Variants in SORCS3 observed in about 807,000 individuals in gnomAD.
SORCS3 encodes sortilin related VPS10 domain containing receptor 3, also known as VPS10 domain-containing receptor SorCS3.
In SORCS3, 57 loss-of-function variants were observed where a neutral mutation model predicts 146.3. The ratio of observed to expected loss-of-function variants is 0.39; its 90% CI spans 0.31 to 0.49. The LOEUF (loss-of-function observed/expected upper bound fraction) is 0.49, where lower values mean the gene tolerates loss of function less well. SORCS3 is among the 20% of genes least tolerant of loss of function. The pLI, the probability that SORCS3 is intolerant of heterozygous loss-of-function variation, is 0.92. For missense variants in SORCS3, 1,341 were observed against 1,575.5 expected, an observed-to-expected ratio of 0.85 and a Z score of 2.52; for synonymous variants, 653 against 618.5, an observed-to-expected ratio of 1.06 and a Z score of -0.83.
chr10:105,180,491 G>A (rs1259666487), intron 14 of SORCS3, among the ~76,000 whole-genome samples: 1 of 152,166 alleles, frequency 6.6e-6, no homozygotes, highest in Non-Finnish European at 1.5e-5. Context: ...GAAAGAGGGT[G>A]GCTGGGTGTT....
intron 7 of SORCS3, among the ~76,000 whole-genome samples, chr10:105,135,300 G>A (rs969021888): frequency 1.3e-5 from 2 of 152,146 alleles, no homozygotes; most frequent in African/African-American, 4.8e-5. Flanking sequence ...TGGACAGACA[G>A]CCCCAACATT....
rs367612233 is a variant in SORCS3 at position 104,770,290 on chromosome 10, A to T, written c.628-72502A>T. On this transcript the variant is annotated intron_variant, in intron 1 of 26. Coordinates refer to ENST00000369701, the MANE Select transcript of SORCS3 (RefSeq NM_014978.3). ...AAAGGTTTTGGGAAACCTCATAGAG[A>T]TGGAATCTGTTTGCTTTTGATTATC... Among the ~76,000 whole-genome samples the T allele has an allele frequency of 9.2e-5, 14 of 152,240 alleles. No individual in the cohort carries two copies. In the East Asian group the frequency reaches 2.5e-3, roughly 27 times the overall value.
At chr10:105,008,534 G>A (rs1379275274) in intron 4 of SORCS3, among the ~76,000 whole-genome samples, 1 of 152,190 alleles carries the variant, frequency 6.6e-6, no homozygotes, top group African/African-American at 2.4e-5. Flanking sequence ...TCCACAGTGA[G>A]GTGCTTCATA....
intron 20 of SORCS3, among the ~76,000 whole-genome samples, chr10:105,233,206 T>G (rs1467790351): frequency 6.6e-6 from 1 of 152,138 alleles, no homozygotes; most frequent in East Asian, 1.9e-4. Flanking sequence ...CTATACCACT[T>G]CAATAGTAGT....
chr10:105,022,420 C>A (rs1205372224), intron 4 of SORCS3, among the ~76,000 whole-genome samples: 1 of 151,532 alleles, frequency 6.6e-6, no homozygotes, highest in African/African-American at 2.4e-5. Context: ...GCCTCAGCTC[C>A]CTGAGTAGCT....
chr10:104,803,366 G>C (rs148673768), intron 1 of SORCS3, among the ~76,000 whole-genome samples: 245 of 152,246 alleles, frequency 1.6e-3, no homozygotes, highest in Non-Finnish European at 2.1e-3. Flanking sequence ...GTGGCTTTCT[G>C]ATTCTGCTGT....
intron 2 of SORCS3, among the ~76,000 whole-genome samples, chr10:104,864,790 C>A (rs372048526): frequency 1.3e-5 from 2 of 152,326 alleles, no homozygotes; most frequent in Admixed American, 6.5e-5. Context: ...TCACCAAAGG[C>A]AAACTGGTGT....
At chr10:105,250,750 T>C (rs545625732) in intron 22 of SORCS3, among the ~76,000 whole-genome samples, 1 of 152,306 alleles carries the variant, frequency 6.6e-6, no homozygotes, top group South Asian at 2.1e-4. Flanking sequence ...AGGATCATGC[T>C]TTGAAAGAAT....
At chr10:105,221,151 T>A (rs909443230) in intron 19 of SORCS3, among the ~76,000 whole-genome samples, 3 of 152,164 alleles carry the variant, frequency 2.0e-5, no homozygotes, top group Non-Finnish European at 4.4e-5. Flanking sequence ...TTGATACAGG[T>A]ATGCAATGTG....
intron 7 of SORCS3, among the ~76,000 whole-genome samples, chr10:105,118,633 A>G (rs181703801): frequency 1.8e-4 from 28 of 152,244 alleles, no homozygotes; most frequent in Non-Finnish European, 2.9e-4. Flanking sequence ...GCTTTGACCA[A>G]ATTGCTGATA....
At chr10:104,967,086 G>A (rs926729272) in intron 3 of SORCS3, among the ~76,000 whole-genome samples, 3 of 151,756 alleles carry the variant, frequency 2.0e-5, no homozygotes, top group African/African-American at 7.3e-5. Flanking sequence ...TTGATTGTAT[G>A]CAGTTCTCAC....
At chr10:104,938,046 A>G (rs1161246776) in intron 3 of SORCS3, among the ~76,000 whole-genome samples, 1 of 152,050 alleles carries the variant, frequency 6.6e-6, no homozygotes, top group East Asian at 1.9e-4. Context: ...CTGAAGTTTA[A>G]TGTGTTTTCG....
intron 4 of SORCS3, among the ~76,000 whole-genome samples, chr10:105,001,978 G>T (rs1375976599): frequency 1.3e-5 from 2 of 152,138 alleles, no homozygotes; most frequent in African/African-American, 4.8e-5. Flanking sequence ...TAATTCTTCA[G>T]GTCCCACAGT....
At chr10:104,835,523 C>T (rs1327193033) in intron 1 of SORCS3, among the ~76,000 whole-genome samples, 2 of 152,146 alleles carry the variant, frequency 1.3e-5, no homozygotes, top group African/African-American at 4.8e-5. Flanking sequence ...ATTTTACAGG[C>T]ATTAAAGGTC....
At chr10:105,171,667 C>T (rs1449431416) in intron 13 of SORCS3, among the ~76,000 whole-genome samples, 3 of 152,154 alleles carry the variant, frequency 2.0e-5, no homozygotes, top group Admixed American at 2.0e-4. Context: ...TTCCAGGTGG[C>T]TAAAATGCTA....
chr10:105,086,174 C>T (rs563669710), intron 5 of SORCS3, among the ~76,000 whole-genome samples: 2 of 152,318 alleles, frequency 1.3e-5, no homozygotes, highest in African/African-American at 4.8e-5. Flanking sequence ...CAAGATGTCT[C>T]ATGACCCTAC....
chr10:104,863,028 C>G (rs934899016), intron 2 of SORCS3, among the ~76,000 whole-genome samples: 1 of 152,188 alleles, frequency 6.6e-6, no homozygotes, highest in Admixed American at 6.5e-5. Context: ...ATTATCTCAT[C>G]AAATCCTCCC....
chr10:104,852,901 G>T (rs2018288711), intron 2 of SORCS3, among the ~76,000 whole-genome samples: 1 of 152,210 alleles, frequency 6.6e-6, no homozygotes, highest in Non-Finnish European at 1.5e-5. Context: ...CCACAAGAGA[G>T]TGGTCATGAG....
At chr10:104,985,164 C>G (rs1284874067) in intron 4 of SORCS3, among the ~76,000 whole-genome samples, 1 of 152,160 alleles carries the variant, frequency 6.6e-6, no homozygotes, top group Non-Finnish European at 1.5e-5. Context: ...TCAATCCTCT[C>G]CAGCCCTGCA....
Sources: allele counts gnomAD v4.1 joint callset (sites outside exome capture counted in the v4.1 genomes callset), GRCh38; gene constraint gnomAD v4.1.1; transcripts MANE v1.5; gene names NCBI Gene and HGNC (gene_info 2026-07-23, HGNC 2026-07-21).